SLC17A5: variants seen among roughly 807,000 people sequenced by gnomAD.
SLC17A5 encodes solute carrier family 17 member 5.
Under a neutral mutation model 59.4 loss-of-function variants are expected in SLC17A5, and 47 were observed. The observed-to-expected ratio is 0.79, with a 90% CI of 0.63 to 1.01. The LOEUF (loss-of-function observed/expected upper bound fraction) is 1.01, where lower values mean the gene tolerates loss of function less well. Ranked by LOEUF, SLC17A5 falls within the 50% of genes least tolerant of loss-of-function variation. SLC17A5 has a pLI of 0.00. For missense variants in SLC17A5, 522 were observed against 595.5 expected, an observed-to-expected ratio of 0.88 and a Z score of 1.28; for synonymous variants, 202 against 210.7, an observed-to-expected ratio of 0.96 and a Z score of 0.36.
intron 1 of SLC17A5, chr6:73,653,166 T>C: frequency 1.0e-6 from 1 of 985,380 alleles, no homozygotes; most frequent in Middle Eastern, 5.2e-4. Context: ...TACTGCACAA[T>C]GTCAAGATAT....
intron 1 of SLC17A5, 72 bp downstream of exon 1, chr6:73,653,721 C>T (rs1769980625): frequency 1.4e-6 from 2 of 1,420,202 alleles, no homozygotes; most frequent in African/African-American, 2.8e-5. Flanking sequence ...GTACCCGGGC[C>T]ATGCCGGCCC....
At chr6:73,610,322 C>A in intron 9 of SLC17A5, 78 bp downstream of exon 9, 1 of 1,547,928 alleles carries the variant, frequency 6.5e-7, no homozygotes. Context: ...GTGTGAGTCA[C>A]CGCCTCTGGC....
intron 6 of SLC17A5, among the ~76,000 whole-genome samples, chr6:73,623,141 G>A (rs886435325): frequency 1.3e-5 from 2 of 150,714 alleles, no homozygotes; most frequent in Non-Finnish European, 3.0e-5. Flanking sequence ...ACTTCAAGTC[G>A]GATTCTCCTG....
At chr6:73,601,198 C>T (rs1767060907) in intron 9 of SLC17A5, among the ~76,000 whole-genome samples, 1 of 150,826 alleles carries the variant, frequency 6.6e-6, no homozygotes, top group East Asian at 2.0e-4. Context: ...CCCCGCCGCC[C>T]CGTCTGGGAT....
At chr6:73,614,153 C>T (rs1487845697) in intron 8 of SLC17A5, among the ~76,000 whole-genome samples, 1 of 152,136 alleles carries the variant, frequency 6.6e-6, no homozygotes, top group Non-Finnish European at 1.5e-5. Context: ...GTAGTCCTAG[C>T]TACTCAGGAG....
At chr6:73,638,555 TTTAA>T (rs1769133290) in intron 3 of SLC17A5, 56 bp from the exon 4 acceptor site, 6 of 1,338,424 alleles carry the variant, frequency 4.5e-6, no homozygotes, top group Non-Finnish European at 6.4e-6. Flanking sequence ...TTGTTAATGC[TTTAA>T]AGTAAGTTAA....
At chr6:73,639,931 A>G (rs886788928) in intron 3 of SLC17A5, among the ~76,000 whole-genome samples, 3 of 152,088 alleles carry the variant, frequency 2.0e-5, no homozygotes, top group Non-Finnish European at 4.4e-5. Context: ...CTGTAATCCC[A>G]CCTACTTGGG....
intron 6 of SLC17A5, among the ~76,000 whole-genome samples, chr6:73,625,419 T>A (rs1162069405): frequency 6.6e-6 from 1 of 152,140 alleles, no homozygotes; most frequent in African/African-American, 2.4e-5. Context: ...ACTCTTGACC[T>A]CAGGTGATCC....
chr6:73,631,317 A>G (rs1462918450), intron 6 of SLC17A5, among the ~76,000 whole-genome samples: 1 of 151,816 alleles, frequency 6.6e-6, no homozygotes, highest in African/African-American at 2.4e-5. Flanking sequence ...GAGCACAGAC[A>G]AAAACACAAA....
intron 8 of SLC17A5, among the ~76,000 whole-genome samples, chr6:73,611,574 C>T (rs138235234): frequency 1.3e-5 from 2 of 149,528 alleles, no homozygotes; most frequent in African/African-American, 4.9e-5. Context: ...CCACCATGCC[C>T]GGCCTTGGTT....
intron 9 of SLC17A5, among the ~76,000 whole-genome samples, chr6:73,609,355 A>G (rs188510506): frequency 2.0e-4 from 30 of 152,330 alleles, no homozygotes; most frequent in African/African-American, 7.2e-4. Context: ...ATCATTTATT[A>G]TATTAGCTGT....
chr6:73,595,819 C>A (rs145295573), intron 10 of SLC17A5, among the ~76,000 whole-genome samples: 129 of 151,956 alleles, frequency 8.5e-4, no homozygotes, highest in African/African-American at 2.9e-3. Context: ...CTGAGGCAAT[C>A]CTCCCAACTC....
intron 1 of SLC17A5, among the ~76,000 whole-genome samples, chr6:73,646,591 C>T (rs578001850): frequency 3.3e-5 from 5 of 152,268 alleles, no homozygotes; most frequent in African/African-American, 1.2e-4. Context: ...TTGCTTTCTG[C>T]TGCAACCAAA....
Position 73,653,977 on chromosome 6 carries a change from CGGGCG to C in SLC17A5, c.-96_-92del. The C allele has an allele frequency of 9.4e-7, 1 of 1,068,752 alleles. No homozygotes were observed. The highest frequency in any genetic ancestry group is 1.7e-5 in the African/African-American group (1 of 60,450). The allele number at this position is 1,068,752 out of a possible 1,614,324, so 66.2% of individuals were successfully genotyped here. A position where few individuals can be genotyped will look rare whatever the true frequency, so the allele number is the denominator to read the frequency against. ...AGCCCCCGGGCCGAGCTGGCTGGAC[CGGGCG>C]GGGCGGGGGCGATGACACCGCCCCG... On this transcript the variant is annotated 5_prime_UTR_variant, in exon 1 of 11. Transcript: ENST00000355773.
At chr6:73,644,706 A>G in intron 1 of SLC17A5, 103 bp from the exon 2 acceptor site, 1 of 1,109,452 alleles carries the variant, frequency 9.0e-7, no homozygotes, top group Non-Finnish European at 1.3e-6. Context: ...TCCTGGGCTC[A>G]AGCCATCCAC....
Position 73,621,297 on chromosome 6 carries a change from G to A in SLC17A5, c.978+507C>T, listed in dbSNP as rs149487262. Reference sequence around the variant, plus strand: ...TGGGATTATAGGCGTGAGCGACCGCGCCTGGCCTTTTTTGTATTTTTAACA... The same window carrying A: ...TGGGATTATAGGCGTGAGCGACCGCACCTGGCCTTTTTTGTATTTTTAACA... On this transcript the variant is annotated intron_variant, in intron 7 of 10. Coordinates refer to ENST00000355773, the MANE Select transcript of SLC17A5 (RefSeq NM_012434.5). Among the ~76,000 whole-genome samples, 5 of 152,184 alleles carry A rather than the reference G, an allele frequency of 3.3e-5. No individual in the cohort carries two copies. The East Asian group carries it at 5.8e-4, about 18-fold the overall frequency.
intron 7 of SLC17A5, chr6:73,618,592 C>A: frequency 2.0e-6 from 1 of 490,080 alleles, no homozygotes; most frequent in South Asian, 1.8e-5. Context: ...GAGGAAGCAG[C>A]ACTAAGAGCA....
At position 73,615,219 on chromosome 6, in the gene SLC17A5, G is replaced by A. The variant is rs1198602524; in HGVS notation, c.1111+96C>T. ...GTGTTGAGTATTGTGTTAACTGTGT[G>A]TAAAAGTGGGAAACACACTTTGTTT... On this transcript the variant is annotated intron_variant, in intron 8 of 10. Transcript: ENST00000355773. The A allele has an allele frequency of 4.4e-6, 6 of 1,377,794 alleles. No homozygotes were observed. The Admixed American group carries it at 5.1e-5, about 12-fold the overall frequency. 85.3% of individuals were successfully genotyped at this position (1,377,794 alleles called of 1,614,324 possible). A position where few individuals can be genotyped will look rare whatever the true frequency, so the allele number is the denominator to read the frequency against.
At chr6:73,638,192 T>C (rs968805721) in intron 4 of SLC17A5, among the ~76,000 whole-genome samples, 2 of 152,184 alleles carry the variant, frequency 1.3e-5, no homozygotes, top group African/African-American at 4.8e-5. Flanking sequence ...AAATAGATGA[T>C]GGCAGATGGG....
Sources: gnomAD v4.1 joint callset for allele counts (sites outside exome capture counted in the v4.1 genomes callset) on GRCh38, gnomAD v4.1.1 for gene constraint, MANE v1.5 for transcripts, NCBI Gene and HGNC (gene_info 2026-07-23, HGNC 2026-07-21) for gene names.